The following PITPNM2 variants were observed in gnomAD, a reference collection of about 807,000 sequenced individuals.
PITPNM2 encodes the protein phosphatidylinositol transfer protein membrane associated 2, also known as membrane-associated phosphatidylinositol transfer protein 2.
PITPNM2 carries 35 observed loss-of-function variants against 132.2 expected under a neutral mutation model. The ratio of observed to expected loss-of-function variants is 0.26; its 90% CI spans 0.20 to 0.35. The LOEUF is 0.35. Among genes scored for constraint, PITPNM2 ranks in the 10% least tolerant of loss-of-function variants. The probability of loss-of-function intolerance (pLI) is 1.00; values close to 1 mark genes in which losing one functional copy is unlikely to be tolerated. For missense variants in PITPNM2, 1,332 were observed against 1,912.0 expected, an observed-to-expected ratio of 0.70 and a Z score of 5.66; for synonymous variants, 738 against 799.2, an observed-to-expected ratio of 0.92 and a Z score of 1.29.
intron 2 of PITPNM2, chr12:123,090,175 G>A (rs757458040): frequency 6.6e-6 from 1 of 152,192 alleles, no homozygotes; most frequent in African/African-American, 2.4e-5. Flanking sequence ...CTGAAGGTTT[G>A]GCTGAGGCTG....
At chr12:123,070,988 C>T (rs922415065) in intron 2 of PITPNM2, among the ~76,000 whole-genome samples, 3 of 152,210 alleles carry the variant, frequency 2.0e-5, no homozygotes, top group East Asian at 1.9e-4. Context: ...AGTTGAACTC[C>T]GTTCTGCCTC....
chr12:123,072,091 G>A (rs2041635888), intron 2 of PITPNM2, among the ~76,000 whole-genome samples: 1 of 152,210 alleles, frequency 6.6e-6, no homozygotes, highest in African/African-American at 2.4e-5. Context: ...TGTGATAATG[G>A]TGTGCCCACG....
chr12:123,051,626 T>C (rs1427458183), intron 2 of PITPNM2, among the ~76,000 whole-genome samples: 1 of 152,220 alleles, frequency 6.6e-6, no homozygotes, highest in African/African-American at 2.4e-5. Context: ...GTCTCCAGAG[T>C]CTGTTTCTGC....
intron 2 of PITPNM2, among the ~76,000 whole-genome samples, chr12:123,062,986 C>T (rs749241104): frequency 3.3e-5 from 5 of 152,202 alleles, no homozygotes; most frequent in Non-Finnish European, 5.9e-5. Flanking sequence ...GAGTCACACA[C>T]GAAAGCAAAT....
chr12:123,048,413 T>A (rs892965611), intron 2 of PITPNM2, among the ~76,000 whole-genome samples: 1 of 150,184 alleles, frequency 6.7e-6, no homozygotes, highest in Non-Finnish European at 1.5e-5. Flanking sequence ...TTTTTTTTGT[T>A]TTTTTTTTTT....
At chr12:123,006,079 C>G (rs1354733119) in intron 6 of PITPNM2, 1 of 152,330 alleles carries the variant, frequency 6.6e-6, no homozygotes, top group Non-Finnish European at 1.5e-5. Flanking sequence ...CCACTGCACT[C>G]CAGCCTGGGT....
chr12:123,121,640 G>A (rs1057042367), intron 1 of PITPNM2, among the ~76,000 whole-genome samples: 2 of 151,644 alleles, frequency 1.3e-5, no homozygotes, highest in African/African-American at 4.9e-5. Flanking sequence ...TTGAATTCCT[G>A]GCTCAAACAA....
chr12:123,070,037 A>G (rs376652054), intron 2 of PITPNM2, among the ~76,000 whole-genome samples: 1 of 152,188 alleles, frequency 6.6e-6, no homozygotes, highest in Non-Finnish European at 1.5e-5. Flanking sequence ...AGGAGCTAAG[A>G]GTCCCCAGGT....
chr12:123,095,670 T>G lies in PITPNM2; in HGVS notation c.-96+14715A>C, dbSNP rs1213401227. Among the ~76,000 whole-genome samples, 2 of 152,166 alleles carry G rather than the reference T, an allele frequency of 1.3e-5. No homozygotes were observed. Among genetic ancestry groups the G allele is most frequent in the African/African-American group, 4.8e-5 (2 of 41,454 alleles). On this transcript the variant is annotated intron_variant, in intron 2 of 25. Coordinates refer to ENST00000320201, the MANE Select transcript of PITPNM2 (RefSeq NM_020845.3). The surrounding 1 kb of genome is among the most constrained non-coding windows in gnomAD (Gnocchi z 5.0). ...TAACTAGGGCACGAGGCCCCCAACC[T>G]GGTCCTCCCTGCAGCTCAGCCCCAG...
intron 10 of PITPNM2, 80 bp from the exon 11 acceptor site, chr12:122,997,652 G>T: frequency 6.5e-7 from 1 of 1,545,886 alleles, no homozygotes; most frequent in Non-Finnish European, 8.8e-7. Flanking sequence ...CTTGTTGGGG[G>T]TGTGCCTCTT....
At chr12:122,991,642 A>AC (rs1391810696) in intron 16 of PITPNM2, 2 of 1,135,786 alleles carry the variant, frequency 1.8e-6, no homozygotes, top group Admixed American at 8.3e-5. Context: ...GTTCCTCACC[A>AC]CCCAGGTCCC....
intron 2 of PITPNM2, among the ~76,000 whole-genome samples, chr12:123,098,927 G>A (rs1011227455): frequency 3.3e-5 from 5 of 152,120 alleles, no homozygotes; most frequent in Admixed American, 2.0e-4. Flanking sequence ...ATTCTGGTCC[G>A]TCTGCCTTTC....
intron 1 of PITPNM2, among the ~76,000 whole-genome samples, chr12:123,145,380 T>A (rs781535408): frequency 6.6e-5 from 10 of 152,148 alleles, no homozygotes; most frequent in Non-Finnish European, 1.3e-4. Context: ...GGAATCAGCC[T>A]TGAGGTCTCT....
At chr12:123,151,274 G>A (rs1271926926), upstream of PITPNM2, among the ~76,000 whole-genome samples, 1 of 150,588 alleles carries the variant, frequency 6.6e-6, no homozygotes, top group Non-Finnish European at 1.5e-5. Context: ...CAGACCTGCC[G>A]CGGCGACCCC....
chr12:123,005,640 T>G lies in PITPNM2; in HGVS notation c.644-92A>C. 7.7e-7 allele frequency: 1 copy of G among 1,301,786 alleles called. No homozygotes were observed. The highest frequency in any genetic ancestry group is 1.1e-6 in the Non-Finnish European group (1 of 939,612). 80.6% of individuals were successfully genotyped at this position (1,301,786 alleles called of 1,614,324 possible). A position where few individuals can be genotyped will look rare whatever the true frequency, so the allele number is the denominator to read the frequency against. ...AAGTGTGGGGCCCAGGCAGGGGCTT[T>G]GGGAGGCTGTACCCATGTTGCAGGT... On this transcript the variant is annotated intron_variant, in intron 6 of 25. Transcript: ENST00000320201. The surrounding 1 kb of genome is among the most constrained non-coding windows in gnomAD (Gnocchi z 6.2).
intron 2 of PITPNM2, among the ~76,000 whole-genome samples, chr12:123,054,387 A>C (rs1293504409): frequency 6.6e-6 from 1 of 152,162 alleles, no homozygotes; most frequent in Non-Finnish European, 1.5e-5. Context: ...TATTTGTTCT[A>C]TCAGATTTAG....
At chr12:123,032,230 G>A (rs2040119558) in intron 3 of PITPNM2, among the ~76,000 whole-genome samples, 1 of 152,248 alleles carries the variant, frequency 6.6e-6, no homozygotes, top group Admixed American at 6.5e-5. Flanking sequence ...TGTAATCCCA[G>A]CACTTTGGGA....
At position 123,031,600 on chromosome 12, in the gene PITPNM2, T is replaced by A. The variant is rs913371516; in HGVS notation, c.78+2913A>T. ...AGGTGCAGGGCACTAGCACCTGTGA[T>A]GTGCAGCAGACCCCCTGCCCATCAC... On this transcript the variant is annotated intron_variant, in intron 3 of 25. Coordinates refer to ENST00000320201, the MANE Select transcript of PITPNM2 (RefSeq NM_020845.3). The surrounding 1 kb of genome is among the most constrained non-coding windows in gnomAD (Gnocchi z 4.5). Among the ~76,000 whole-genome samples the A allele has an allele frequency of 6.6e-6, 1 of 151,896 alleles. No homozygotes were observed. Among genetic ancestry groups the A allele is most frequent in the Non-Finnish European group, 1.5e-5 (1 of 67,952 alleles).
Position 123,005,594 on chromosome 12 carries a change from T to G in PITPNM2, c.644-46A>C. The G allele has an allele frequency of 6.3e-7, 1 of 1,576,154 alleles. No individual in the cohort carries two copies. ...AGAGGGAGAGACGAGGGGAGGGAGG[T>G]CAGCGCAGGAGCCTGCACGGAAGTG... On this transcript the variant is annotated intron_variant, in intron 6 of 25. Coordinates refer to ENST00000320201, the MANE Select transcript of PITPNM2 (RefSeq NM_020845.3). This position sits in a 1 kb window ranked among gnomAD's most constrained non-coding sequence, Gnocchi z 6.2.
Sources: allele counts gnomAD v4.1 joint callset (sites outside exome capture counted in the v4.1 genomes callset), GRCh38; gene constraint gnomAD v4.1.1; non-coding constraint Gnocchi (gnomAD v3.1); transcripts MANE v1.5; gene names NCBI Gene and HGNC (gene_info 2026-07-23, HGNC 2026-07-21).